GFPT1: variants seen among roughly 807,000 people sequenced by gnomAD.
The protein encoded by GFPT1 is glutamine--fructose-6-phosphate transaminase 1, also known as glutamine--fructose-6-phosphate aminotransferase [isomerizing] 1.
A neutral mutation model predicts 92.0 loss-of-function variants in GFPT1; 40 were observed. That is an observed-to-expected ratio of 0.43 (90% CI 0.34 to 0.57). The LOEUF is 0.57. GFPT1 is among the 20% of genes least tolerant of loss of function. The pLI, the probability that GFPT1 is intolerant of heterozygous loss-of-function variation, is 0.02. For synonymous variants in GFPT1, 269 were observed against 280.6 expected (o/e 0.96, Z 0.41); for missense variants, 448 against 869.1 (o/e 0.52, Z 6.09).
intron 1 of GFPT1, among the ~76,000 whole-genome samples, chr2:69,380,683 T>G (rs571189685): frequency 6.6e-6 from 1 of 152,306 alleles, no homozygotes; most frequent in South Asian, 2.1e-4. Flanking sequence ...CAGACTACAA[T>G]TTTTCATCAT....
chr2:69,343,517 T>C (rs1671006516), intron 12 of GFPT1, among the ~76,000 whole-genome samples: 1 of 152,034 alleles, frequency 6.6e-6, no homozygotes, highest in South Asian at 2.1e-4. Flanking sequence ...TTCAAGCGAT[T>C]CTCCAGCCTT....
intron 9 of GFPT1, among the ~76,000 whole-genome samples, chr2:69,350,879 T>A (rs577842955): frequency 6.9e-6 from 1 of 143,934 alleles, no homozygotes; most frequent in Non-Finnish European, 1.5e-5. Flanking sequence ...TACTCCAGCC[T>A]GGGCAACAGA....
At position 69,387,177 on chromosome 2, in the gene GFPT1, C is replaced by A; in HGVS notation, c.-106G>T. On this transcript the variant is annotated 5_prime_UTR_variant, in exon 1 of 20. Coordinates refer to ENST00000357308, the MANE Select transcript of GFPT1 (RefSeq NM_001244710.2). ...TCTGCGGGCTCGGGGGCCGGGGTGG[C>A]GCCGACACGACTCCCTCGGGGATGC... The A allele has an allele frequency of 7.8e-7, 1 of 1,280,622 alleles. No individual in the cohort carries two copies. The highest frequency in any genetic ancestry group is 1.1e-6 in the Non-Finnish European group (1 of 950,632). The allele number at this position is 1,280,622 out of a possible 1,614,324, so 79.3% of individuals were successfully genotyped here.
chr2:69,371,835 T>G (rs1462480060), intron 2 of GFPT1, among the ~76,000 whole-genome samples: 1 of 149,320 alleles, frequency 6.7e-6, no homozygotes, highest in Admixed American at 6.7e-5. Context: ...AGACTCCATC[T>G]CAAAAAAATA....
At chr2:69,378,194 T>C (rs1222018594) in intron 1 of GFPT1, among the ~76,000 whole-genome samples, 1 of 152,098 alleles carries the variant, frequency 6.6e-6, no homozygotes, top group Non-Finnish European at 1.5e-5. Context: ...TTAGTAGAGA[T>C]GGGGTTTCGC....
intron 2 of GFPT1, chr2:69,371,340 A>G (rs1236354767): frequency 1.3e-5 from 2 of 151,248 alleles, no homozygotes; most frequent in African/African-American, 4.9e-5. Flanking sequence ...CAGCCTCCCA[A>G]AGTGCTGGGA....
At position 69,345,788 on chromosome 2, in the gene GFPT1, G is replaced by A. The variant is rs556371470; in HGVS notation, c.1105+116C>T. ...TCCAAGATGGCTGGGCTCCACTGAT[G>A]GCTGGCAGCTGTAGTTGTTCTACAA... is the stretch of plus-strand genomic sequence containing the variant. On this transcript the variant is annotated intron_variant, in intron 12 of 19. Transcript: ENST00000357308. 2.3e-5 allele frequency: 16 copies of A among 698,360 alleles called. No homozygotes were observed. The East Asian group carries it at 4.3e-4, about 19-fold the overall frequency. 43.3% of individuals were successfully genotyped at this position (698,360 alleles called of 1,614,324 possible).
Position 69,387,222 on chromosome 2 carries a change from G to C in GFPT1, c.-151C>G. ...GGATGCGACGGCCAAGGCAACGACAGCCTTCTCCGCCTCCCGGGCTCCGCC... is the reference window on the plus strand; with the variant it reads ...GGATGCGACGGCCAAGGCAACGACACCCTTCTCCGCCTCCCGGGCTCCGCC... On this transcript the variant is annotated 5_prime_UTR_variant, in exon 1 of 20. Coordinates refer to ENST00000357308, the MANE Select transcript of GFPT1 (RefSeq NM_001244710.2). The C allele has an allele frequency of 1.3e-6, 1 of 773,908 alleles. No individual in the cohort carries two copies. Among genetic ancestry groups the C allele is most frequent in the Non-Finnish European group, 1.9e-6 (1 of 525,126 alleles). The allele number at this position is 773,908 out of a possible 1,614,324, so 47.9% of individuals were successfully genotyped here. A position where few individuals can be genotyped will look rare whatever the true frequency, so the allele number is the denominator to read the frequency against.
intron 3 of GFPT1, among the ~76,000 whole-genome samples, chr2:69,366,744 A>G (rs995874311): frequency 1.3e-5 from 2 of 152,096 alleles, no homozygotes; most frequent in South Asian, 2.1e-4. Context: ...TTTGATTCCT[A>G]AAGTACACTT....
intron 11 of GFPT1, among the ~76,000 whole-genome samples, chr2:69,347,626 C>T (rs191013737): frequency 4.7e-4 from 72 of 151,990 alleles, no homozygotes; most frequent in African/African-American, 1.1e-3. Flanking sequence ...TACAGGCATG[C>T]GCCACCACAC....
At chr2:69,358,170 A>C (rs1258767196) in intron 6 of GFPT1, among the ~76,000 whole-genome samples, 159 bp downstream of exon 6, 1 of 152,254 alleles carries the variant, frequency 6.6e-6, no homozygotes, top group African/African-American at 2.4e-5. Flanking sequence ...GAATCAATAA[A>C]TCAATCAGTT....
chr2:69,352,961 G>A (rs923724408), intron 9 of GFPT1, among the ~76,000 whole-genome samples: 5 of 151,954 alleles, frequency 3.3e-5, no homozygotes, highest in South Asian at 2.1e-4. Context: ...CATGAGACTC[G>A]CTTGAACCCG....
chr2:69,329,814 AAAG>A lies in GFPT1; in HGVS notation c.1483-19_1483-17del. 1 of 1,302,088 alleles carries A rather than the reference AAAG, an allele frequency of 7.7e-7. No homozygotes were observed. 80.7% of individuals were successfully genotyped at this position (1,302,088 alleles called of 1,614,324 possible). A position where few individuals can be genotyped will look rare whatever the true frequency, so the allele number is the denominator to read the frequency against. On this transcript the variant is annotated splice_polypyrimidine_tract_variant and intron_variant, in intron 15 of 19. Coordinates refer to ENST00000357308, the MANE Select transcript of GFPT1 (RefSeq NM_001244710.2). ...TGGTATAAGCCTGAAACATCACAAAAAAGCAGGACAATTAGTTGCAGCTGCATC... is the reference window on the plus strand; with the variant it reads ...TGGTATAAGCCTGAAACATCACAAAACAGGACAATTAGTTGCAGCTGCATC...
At chr2:69,358,535 G>T (rs1323005341) in intron 5 of GFPT1, 72 bp from the exon 6 acceptor site, 1 of 1,084,038 alleles carries the variant, frequency 9.2e-7, no homozygotes, top group Non-Finnish European at 1.4e-6. Context: ...CTACAGAATT[G>T]TTCCGTCAAA....
At chr2:69,358,035 G>A (rs1371704316) in intron 6 of GFPT1, among the ~76,000 whole-genome samples, 2 of 152,142 alleles carry the variant, frequency 1.3e-5, no homozygotes, top group Non-Finnish European at 2.9e-5. Context: ...ACATGTCCAC[G>A]TGTGGTGCAT....
chr2:69,335,983 C>T (rs548185777), intron 15 of GFPT1, among the ~76,000 whole-genome samples: 1 of 151,024 alleles, frequency 6.6e-6, no homozygotes, highest in South Asian at 2.1e-4. Context: ...GCCATGAGCA[C>T]CACTGCACTC....
chr2:69,381,823 G>T (rs1175241205), intron 1 of GFPT1, among the ~76,000 whole-genome samples: 2 of 151,222 alleles, frequency 1.3e-5, no homozygotes, highest in African/African-American at 4.9e-5. Flanking sequence ...TGAGTGGCTG[G>T]GATTACAGGT....
Position 69,324,705 on chromosome 2 carries a change from GCTTA to G in GFPT1, c.*1480_*1483del, listed in dbSNP as rs1670489782. On this transcript the variant is annotated 3_prime_UTR_variant, in exon 20 of 20. Transcript: ENST00000357308. ...AAGAAAGAAAAGAAAGGAAAAAACA[GCTTA>G]CTTAAATAATTGTGCTAAATAGCTT... The G allele has an allele frequency of 1.3e-5, 2 of 152,094 alleles. No individual in the cohort carries two copies. The highest frequency in any genetic ancestry group is 1.9e-4 in the East Asian group (1 of 5,194). The allele number at this position is 152,094 out of a possible 1,614,324, so 9.4% of individuals were successfully genotyped here.
chr2:69,340,291 A>G (rs770167468), intron 13 of GFPT1, among the ~76,000 whole-genome samples: 4 of 151,864 alleles, frequency 2.6e-5, no homozygotes. Context: ...GCTTCCGAGG[A>G]GCTGGAACTA....
Sources: gnomAD v4.1 joint callset for allele counts (sites outside exome capture counted in the v4.1 genomes callset) on GRCh38, gnomAD v4.1.1 for gene constraint, MANE v1.5 for transcripts, NCBI Gene and HGNC (gene_info 2026-07-23, HGNC 2026-07-21) for gene names.